The following ROBO2 variants were observed in gnomAD, a reference collection of about 807,000 sequenced individuals.
ROBO2 encodes roundabout guidance receptor 2, also known as roundabout homolog 2.
A neutral mutation model predicts 160.8 loss-of-function variants in ROBO2; 53 were observed. The observed-to-expected ratio is 0.33, with a 90% CI of 0.26 to 0.41. ROBO2 has a LOEUF of 0.41. Among genes scored for constraint, ROBO2 ranks in the 10% least tolerant of loss-of-function variants. ROBO2 has a pLI of 1.00. For missense variants in ROBO2, 1,577 were observed against 1,722.4 expected, an observed-to-expected ratio of 0.92 and a Z score of 1.49; for synonymous variants, 664 against 611.7, an observed-to-expected ratio of 1.09 and a Z score of -1.26.
intron 2 of ROBO2, among the ~76,000 whole-genome samples, chr3:76,222,799 C>T (rs959559103): frequency 2.0e-5 from 3 of 151,728 alleles, no homozygotes; most frequent in African/African-American, 4.8e-5. Context: ...CTGTCGCCCA[C>T]GCTGGGGTGC....
intron 2 of ROBO2, among the ~76,000 whole-genome samples, chr3:77,292,330 A>T (rs2061397876): frequency 6.6e-6 from 1 of 151,730 alleles, no homozygotes. Context: ...TTGAGGCTGG[A>T]ACAGTAAAGA....
chr3:76,632,071 G>C (rs1224380829), intron 2 of ROBO2, among the ~76,000 whole-genome samples: 1 of 152,174 alleles, frequency 6.6e-6, no homozygotes, highest in African/African-American at 2.4e-5. Context: ...GTTGATGTGA[G>C]ACTCTGATAT....
chr3:77,362,031 A>C (rs2070092611), intron 2 of ROBO2, among the ~76,000 whole-genome samples: 1 of 152,182 alleles, frequency 6.6e-6, no homozygotes, highest in Non-Finnish European at 1.5e-5. Flanking sequence ...AATCTCACAA[A>C]TACATGGTAA....
At chr3:77,126,484 C>T (rs1378966511) in intron 2 of ROBO2, among the ~76,000 whole-genome samples, 4 of 152,004 alleles carry the variant, frequency 2.6e-5, no homozygotes, top group African/African-American at 9.7e-5. Context: ...ATTTTTAGTT[C>T]ATATTTTTAG....
chr3:76,978,076 T>C (rs186744001), intron 2 of ROBO2, among the ~76,000 whole-genome samples: 38 of 152,328 alleles, frequency 2.5e-4, no homozygotes, highest in Admixed American at 2.3e-3. Flanking sequence ...ATTATATATG[T>C]CCCTGACAAT....
At chr3:76,916,682 G>A (rs745483600) in intron 2 of ROBO2, among the ~76,000 whole-genome samples, 8 of 151,850 alleles carry the variant, frequency 5.3e-5, no homozygotes, top group Admixed American at 2.0e-4. Flanking sequence ...CAAGATTGAC[G>A]TTTATATATG....
At chr3:76,641,264 C>G (rs1350170669) in intron 2 of ROBO2, among the ~76,000 whole-genome samples, 2 of 152,114 alleles carry the variant, frequency 1.3e-5, no homozygotes, top group Non-Finnish European at 2.9e-5. Flanking sequence ...CTGTATCACC[C>G]TAGCCATGCA....
chr3:76,101,027 A>T (rs574321100), intron 2 of ROBO2, among the ~76,000 whole-genome samples: 6 of 147,494 alleles, frequency 4.1e-5, no homozygotes, highest in African/African-American at 1.5e-4. Flanking sequence ...TGCTGTGTAT[A>T]AAAAAAAAAC....
At chr3:76,198,227 G>C (rs112766928) in intron 2 of ROBO2, among the ~76,000 whole-genome samples, 1 of 151,286 alleles carries the variant, frequency 6.6e-6, no homozygotes, top group African/African-American at 2.4e-5. Context: ...TGGTGGGAAA[G>C]GGAGATCCGA....
intron 2 of ROBO2, among the ~76,000 whole-genome samples, chr3:76,835,382 C>T (rs2067588974): frequency 1.4e-5 from 2 of 147,550 alleles, no homozygotes; most frequent in African/African-American, 4.9e-5. Context: ...CACAATAATA[C>T]ATTATATGTA....
At chr3:77,213,824 A>G (rs916555971) in intron 2 of ROBO2, among the ~76,000 whole-genome samples, 1 of 151,938 alleles carries the variant, frequency 6.6e-6, no homozygotes, top group Admixed American at 6.6e-5. Context: ...TTCTGCCTTC[A>G]TTTCATTATG....
chr3:76,044,223 G>T (rs895833105), intron 2 of ROBO2, among the ~76,000 whole-genome samples: 1 of 152,126 alleles, frequency 6.6e-6, no homozygotes. Context: ...AGAGAACAAG[G>T]ACCAAAGCTG....
chr3:76,687,249 T>C (rs2092704642), intron 2 of ROBO2, among the ~76,000 whole-genome samples: 2 of 152,098 alleles, frequency 1.3e-5, no homozygotes, highest in African/African-American at 4.8e-5. Context: ...GTCAAATTCC[T>C]ACTGGCCATG....
chr3:76,087,918 A>G (rs942402403), intron 2 of ROBO2, among the ~76,000 whole-genome samples: 3 of 152,088 alleles, frequency 2.0e-5, no homozygotes, highest in Non-Finnish European at 2.9e-5. Flanking sequence ...TTAACACACT[A>G]AAGACAAAGA....
intron 2 of ROBO2, among the ~76,000 whole-genome samples, chr3:77,183,643 G>A (rs1251496781): frequency 2.6e-5 from 4 of 151,664 alleles, no homozygotes; most frequent in African/African-American, 9.7e-5. Context: ...CTTTTGTGTC[G>A]GCCACCCAGA....
intron 2 of ROBO2, among the ~76,000 whole-genome samples, chr3:77,002,206 C>G (rs1347289542): frequency 6.6e-6 from 1 of 151,832 alleles, no homozygotes; most frequent in Non-Finnish European, 1.5e-5. Context: ...CCAGAAATGG[C>G]CCTTATAGCC....
chr3:77,091,182 A>G (rs913259853), intron 1 of ROBO2, among the ~76,000 whole-genome samples: 13 of 152,200 alleles, frequency 8.5e-5, no homozygotes, highest in Non-Finnish European at 1.6e-4. Context: ...CTCCAACTCA[A>G]TGAGGCAGAG....
At chr3:76,194,074 C>T (rs887540461) in intron 2 of ROBO2, among the ~76,000 whole-genome samples, 2 of 151,616 alleles carry the variant, frequency 1.3e-5, no homozygotes, top group Admixed American at 6.6e-5. Flanking sequence ...AGCAGCATTT[C>T]CTAAGATAAT....
chr3:76,500,638 A>C (rs1577678221), intron 2 of ROBO2, among the ~76,000 whole-genome samples: 1 of 152,306 alleles, frequency 6.6e-6, no homozygotes, highest in South Asian at 2.1e-4. Context: ...CAGTCACATC[A>C]GTTTTTTTAT....
Sources: allele counts gnomAD v4.1 joint callset (sites outside exome capture counted in the v4.1 genomes callset), GRCh38; gene constraint gnomAD v4.1.1; transcripts MANE v1.5; gene names NCBI Gene and HGNC (gene_info 2026-07-23, HGNC 2026-07-21).